PLGRKT: variants seen among roughly 807,000 people sequenced by gnomAD.
The protein encoded by PLGRKT is plasminogen receptor (KT).
A neutral mutation model predicts 18.5 loss-of-function variants in PLGRKT; 22 were observed. The observed-to-expected ratio is 1.19, with a 90% CI of 0.85 to 1.70. PLGRKT has a LOEUF of 1.70. Ranked by LOEUF, PLGRKT falls within the 40% of genes most tolerant of loss-of-function variation. The pLI, the probability that PLGRKT is intolerant of heterozygous loss-of-function variation, is 0.00. For synonymous variants in PLGRKT, 72 were observed against 52.8 expected (o/e 1.36, Z -1.58); for missense variants, 235 against 174.4 (o/e 1.35, Z -1.96).
At chr9:5,433,192 C>A (rs1216561269) in intron 2 of PLGRKT, among the ~76,000 whole-genome samples, 1 of 150,064 alleles carries the variant, frequency 6.7e-6, no homozygotes, top group African/African-American at 2.5e-5. Flanking sequence ...GGCCGCCACC[C>A]CGTCTAGGAA....
intron 3 of PLGRKT, among the ~76,000 whole-genome samples, chr9:5,424,319 C>T (rs952507114): frequency 7.6e-6 from 1 of 131,994 alleles, no homozygotes; most frequent in Admixed American, 8.4e-5. Context: ...TGATGTGTAC[C>T]TATAGTATTA....
chr9:5,409,335 G>C (rs955300522), intron 3 of PLGRKT, among the ~76,000 whole-genome samples: 7 of 152,174 alleles, frequency 4.6e-5, no homozygotes, highest in African/African-American at 1.7e-4. Flanking sequence ...ATATAAAGCA[G>C]GCAGAAAGAC....
At chr9:5,382,468 G>A (rs1291078729) in intron 3 of PLGRKT, among the ~76,000 whole-genome samples, 1 of 152,174 alleles carries the variant, frequency 6.6e-6, no homozygotes, top group Non-Finnish European at 1.5e-5. Flanking sequence ...TCAGGCAGAG[G>A]GAACAGCATG....
At chr9:5,434,566 C>A (rs529694353) in intron 2 of PLGRKT, among the ~76,000 whole-genome samples, 1 of 147,180 alleles carries the variant, frequency 6.8e-6, no homozygotes, top group Non-Finnish European at 1.5e-5. Context: ...CCAGCCGCCC[C>A]GTCTGGGAAG....
At chr9:5,433,704 G>A (rs1382901348) in intron 2 of PLGRKT, among the ~76,000 whole-genome samples, 10 of 143,664 alleles carry the variant, frequency 7.0e-5, no homozygotes, top group Non-Finnish European at 7.6e-5. Flanking sequence ...GGGAAGTGAG[G>A]AGCGTCTCTG....
At chr9:5,434,139 G>C (rs376449305) in intron 2 of PLGRKT, among the ~76,000 whole-genome samples, 1 of 139,070 alleles carries the variant, frequency 7.2e-6, no homozygotes, top group Admixed American at 7.0e-5. Flanking sequence ...TCTCTGCCCC[G>C]CCGCCACCCC....
intron 3 of PLGRKT, among the ~76,000 whole-genome samples, chr9:5,406,488 C>T (rs1269670497): frequency 6.6e-6 from 1 of 152,102 alleles, no homozygotes; most frequent in South Asian, 2.1e-4. Context: ...AAGCCATTAT[C>T]CTCAACAAAC....
At chr9:5,389,186 G>A (rs1261085071) in intron 3 of PLGRKT, among the ~76,000 whole-genome samples, 3 of 151,944 alleles carry the variant, frequency 2.0e-5, no homozygotes, top group African/African-American at 7.3e-5. Flanking sequence ...GATTTACTTA[G>A]AAGCAGGAAG....
chr9:5,431,433 C>G (rs568299953), intron 3 of PLGRKT, among the ~76,000 whole-genome samples: 2 of 150,450 alleles, frequency 1.3e-5, no homozygotes, highest in South Asian at 4.2e-4. Context: ...ACTAGGGAGG[C>G]TGAGGCACAA....
chr9:5,359,653 A>T (rs1051145249), intron 5 of PLGRKT, among the ~76,000 whole-genome samples: 1 of 152,182 alleles, frequency 6.6e-6, no homozygotes, highest in Non-Finnish European at 1.5e-5. Flanking sequence ...ATTAACATGG[A>T]AAAAAACTAT....
At chr9:5,426,264 C>A (rs1023129517) in intron 3 of PLGRKT, among the ~76,000 whole-genome samples, 3 of 152,052 alleles carry the variant, frequency 2.0e-5, no homozygotes, top group Non-Finnish European at 2.9e-5. Flanking sequence ...GTGGGAGATT[C>A]GCTGGTGTTC....
chr9:5,419,330 T>C (rs1326490643), intron 3 of PLGRKT, among the ~76,000 whole-genome samples: 1 of 152,206 alleles, frequency 6.6e-6, no homozygotes, highest in Non-Finnish European at 1.5e-5. Flanking sequence ...CTGAGCATGA[T>C]GACATCAAGT....
intron 3 of PLGRKT, among the ~76,000 whole-genome samples, chr9:5,406,010 G>C (rs1271669289): frequency 6.6e-6 from 1 of 152,102 alleles, no homozygotes; most frequent in Non-Finnish European, 1.5e-5. Context: ...ATGAAAAAAA[G>C]CTCAACATCA....
At chr9:5,429,249 C>T (rs149149172) in intron 3 of PLGRKT, among the ~76,000 whole-genome samples, 2 of 152,182 alleles carry the variant, frequency 1.3e-5, no homozygotes, top group African/African-American at 4.8e-5. Context: ...CAGACCCCTT[C>T]TAGGTGGTCT....
intron 3 of PLGRKT, among the ~76,000 whole-genome samples, chr9:5,363,588 T>G (rs529123748): frequency 6.6e-6 from 1 of 152,214 alleles, no homozygotes; most frequent in East Asian, 1.9e-4. Flanking sequence ...TCTGAAACCA[T>G]TTATGCTCTG....
At chr9:5,424,814 C>T (rs1586743791) in intron 3 of PLGRKT, among the ~76,000 whole-genome samples, 1 of 150,206 alleles carries the variant, frequency 6.7e-6, no homozygotes, top group African/African-American at 2.5e-5. Flanking sequence ...CCAAGTAGCA[C>T]GAGCCACCAC....
chr9:5,361,800 A>T lies in PLGRKT; in HGVS notation c.170T>A (p.Phe57Tyr). 6.2e-7 allele frequency: 1 copy of T among 1,613,510 alleles called. No individual in the cohort carries two copies. The highest frequency in any genetic ancestry group is 8.5e-7 in the Non-Finnish European group (1 of 1,179,786). ...IAWSREFLKY[F>Y]GTFFGLAAIS... ...GGCTGCAAGGCCAAAAAAAGTTCCA[A>T]AATATTTGAGGAATTCCCGAGACCA... Residue 57 changes from phenylalanine to tyrosine, a missense_variant, in exon 4 of 6, where the codon TTT becomes TAT. Coordinates refer to ENST00000223864, the MANE Select transcript of PLGRKT (RefSeq NM_018465.4).
At position 5,432,051 on chromosome 9, in the gene PLGRKT, G is replaced by C. The variant is rs1818838175; in HGVS notation, c.-6-68C>G. The C allele has an allele frequency of 5.5e-6, 4 of 732,750 alleles. No homozygotes were observed. In the East Asian group the frequency reaches 1.0e-4, roughly 18 times the overall value. The allele number at this position is 732,750 out of a possible 1,614,324, so 45.4% of individuals were successfully genotyped here. A position where few individuals can be genotyped will look rare whatever the true frequency, so the allele number is the denominator to read the frequency against. On this transcript the variant is annotated intron_variant, in intron 2 of 5. Transcript: ENST00000223864. ...CATGCATTCTTGTATGCTCCACTTTGAGCTACCTTGGGCTTATGACAAAGT... is the reference window on the plus strand; with the variant it reads ...CATGCATTCTTGTATGCTCCACTTTCAGCTACCTTGGGCTTATGACAAAGT...
intron 3 of PLGRKT, among the ~76,000 whole-genome samples, chr9:5,425,302 A>G (rs1818675149): frequency 6.6e-6 from 1 of 152,230 alleles, no homozygotes; most frequent in African/African-American, 2.4e-5. Flanking sequence ...CACCATCCTA[A>G]CACAGGCTAG....
Sources: gnomAD v4.1 joint callset for allele counts (sites outside exome capture counted in the v4.1 genomes callset) on GRCh38, gnomAD v4.1.1 for gene constraint, MANE v1.5 for transcripts, NCBI Gene and HGNC (gene_info 2026-07-23, HGNC 2026-07-21) for gene names.